TSPAN11: variants seen among roughly 807,000 people sequenced by gnomAD.
TSPAN11 encodes the protein tetraspanin 11, also known as tetraspanin-11.
A neutral mutation model predicts 32.9 loss-of-function variants in TSPAN11; 29 were observed. The observed-to-expected ratio is 0.88, with a 90% CI of 0.66 to 1.20. The LOEUF (loss-of-function observed/expected upper bound fraction) is 1.20, where lower values mean the gene tolerates loss of function less well. TSPAN11 is among the 50% of genes most tolerant of loss of function. TSPAN11 has a pLI of 0.00. For missense variants in TSPAN11, 283 were observed against 329.1 expected (o/e 0.86, Z 1.08); for synonymous variants, 140 against 141.3 (o/e 0.99, Z 0.07).
chr12:31,004,667 A>G, the TSPAN11 span, among the ~76,000 whole-genome samples: 1 of 152,226 alleles, frequency 6.6e-6, no homozygotes, highest in East Asian at 1.9e-4. Context: ...GAGAGTTTCT[A>G]GCAGGAATGT....
At chr12:30,976,785 TGAC>T (rs1938982086) in intron 3 of TSPAN11, among the ~76,000 whole-genome samples, 1 of 152,208 alleles carries the variant, frequency 6.6e-6, no homozygotes, top group African/African-American at 2.4e-5. Context: ...GTCCTGAGGC[TGAC>T]TAGACCCCTG....
intron 3 of TSPAN11, among the ~76,000 whole-genome samples, chr12:30,967,891 C>G (rs1376348029): frequency 6.6e-6 from 1 of 151,890 alleles, no homozygotes; most frequent in African/African-American, 2.4e-5. Flanking sequence ...GCTGGGGATC[C>G]TGAGTAATCC....
intron 1 of TSPAN11, among the ~76,000 whole-genome samples, chr12:30,944,146 A>G (rs1436885928): frequency 1.3e-5 from 2 of 152,088 alleles, no homozygotes; most frequent in Non-Finnish European, 2.9e-5. Context: ...TGTATTTACC[A>G]TGTACAACAT....
the TSPAN11 span, among the ~76,000 whole-genome samples, chr12:31,012,984 G>A: frequency 7.9e-5 from 12 of 152,258 alleles, no homozygotes; most frequent in South Asian, 2.1e-4. Flanking sequence ...TACTATCCAC[G>A]TGAGAGGATT....
the TSPAN11 span, among the ~76,000 whole-genome samples, chr12:31,004,346 T>C: frequency 6.6e-6 from 1 of 152,190 alleles, no homozygotes; most frequent in Non-Finnish European, 1.5e-5. Context: ...CTAGGGCCAG[T>C]CTGATCTCTC....
At chr12:30,983,016 C>T (rs1182721189) in intron 6 of TSPAN11, 48 bp from the exon 7 acceptor site, 1 of 1,581,244 alleles carries the variant, frequency 6.3e-7, no homozygotes, top group Admixed American at 1.7e-5. Flanking sequence ...CGTCCCCACC[C>T]ATGCCTGCTC....
At chr12:30,981,890 T>G (rs1424296434) in intron 5 of TSPAN11, among the ~76,000 whole-genome samples, 1 of 152,182 alleles carries the variant, frequency 6.6e-6, no homozygotes, top group Non-Finnish European at 1.5e-5. Context: ...ACTTTGAATC[T>G]CAGTGCCGCA....
chr12:30,984,737 A>G (rs1411695038), intron 7 of TSPAN11, among the ~76,000 whole-genome samples: 1 of 151,738 alleles, frequency 6.6e-6, no homozygotes, highest in East Asian at 1.9e-4. Flanking sequence ...TTGTATTTTT[A>G]GTAGAGGCTG....
intron 3 of TSPAN11, among the ~76,000 whole-genome samples, chr12:30,969,604 C>T (rs1051163805): frequency 6.6e-6 from 1 of 152,170 alleles, no homozygotes; most frequent in Non-Finnish European, 1.5e-5. Context: ...CGGGATGCAG[C>T]GGGTGTACCT....
intron 1 of TSPAN11, among the ~76,000 whole-genome samples, chr12:30,935,906 A>T (rs551717784): frequency 6.6e-6 from 1 of 152,314 alleles, no homozygotes; most frequent in African/African-American, 2.4e-5. Context: ...GGTCTTGCAG[A>T]ATCACAGGAA....
chr12:30,990,546 G>A (rs1939292590), intron 7 of TSPAN11, among the ~76,000 whole-genome samples: 1 of 152,212 alleles, frequency 6.6e-6, no homozygotes, highest in Non-Finnish European at 1.5e-5. Flanking sequence ...GGCCCCAGGT[G>A]GATTAACACC....
downstream of TSPAN11, among the ~76,000 whole-genome samples, chr12:30,999,664 A>C (rs1592504726): frequency 1.3e-5 from 2 of 152,140 alleles, no homozygotes; most frequent in African/African-American, 2.4e-5. Context: ...AAAGTTGAAA[A>C]ATCATAATTT....
chr12:31,015,751 C>T, the TSPAN11 span: 1 of 152,178 alleles, frequency 6.6e-6, no homozygotes, highest in Non-Finnish European at 1.5e-5. This position sits in a 1 kb window ranked among gnomAD's most constrained non-coding sequence, Gnocchi z 4.9. Flanking sequence ...TTTATTACTA[C>T]AATTATTAAT....
rs2140317850 is a variant in TSPAN11 at position 30,995,165 on chromosome 12, C to T, written c.*3250C>T. 6.6e-6 allele frequency: 1 copy of T among 152,572 alleles called. No homozygotes were observed. Among genetic ancestry groups the T allele is most frequent in the South Asian group, 2.1e-4 (1 of 4,828 alleles). 9.5% of individuals were successfully genotyped at this position (152,572 alleles called of 1,614,324 possible). A position where few individuals can be genotyped will look rare whatever the true frequency, so the allele number is the denominator to read the frequency against. On this transcript the variant is annotated 3_prime_UTR_variant, in exon 8 of 8. Coordinates refer to ENST00000546076, the MANE Select transcript of TSPAN11 (RefSeq NM_001370302.1). ...ACCACCCAGCCCGTCACCCCAGGTACAAACACTGACCCCAAAGCAAGAGCA... is the reference window on the plus strand; with the variant it reads ...ACCACCCAGCCCGTCACCCCAGGTATAAACACTGACCCCAAAGCAAGAGCA...
chr12:30,994,036 T>A lies in TSPAN11; in HGVS notation c.*2121T>A, dbSNP rs1939368979. The A allele has an allele frequency of 6.6e-6, 1 of 152,252 alleles. No homozygotes were observed. The highest frequency in any genetic ancestry group is 2.1e-4 in the South Asian group (1 of 4,834). The allele number at this position is 152,252 out of a possible 1,614,324, so 9.4% of individuals were successfully genotyped here. A position where few individuals can be genotyped will look rare whatever the true frequency, so the allele number is the denominator to read the frequency against. On this transcript the variant is annotated 3_prime_UTR_variant, in exon 8 of 8. Coordinates refer to ENST00000546076, the MANE Select transcript of TSPAN11 (RefSeq NM_001370302.1). ...TTAGCTGCAATTCCTGCCCTGTGTG[T>A]CGTCCAGCCAGACTGCCTCTTGAAA... is the stretch of plus-strand genomic sequence containing the variant.
At chr12:30,959,846 C>T (rs375649337) in intron 2 of TSPAN11, among the ~76,000 whole-genome samples, 2 of 149,072 alleles carry the variant, frequency 1.3e-5, no homozygotes, top group East Asian at 2.0e-4. Flanking sequence ...GCCAAAAAGT[C>T]AGGTTAAGGC....
At chr12:31,001,294 C>T (rs185682421), downstream of TSPAN11, among the ~76,000 whole-genome samples, 1 of 152,336 alleles carries the variant, frequency 6.6e-6, no homozygotes, top group Admixed American at 6.5e-5. Flanking sequence ...GACACATCTC[C>T]TTCCACTCCT....
downstream of TSPAN11, among the ~76,000 whole-genome samples, chr12:31,000,991 C>T (rs1939472607): frequency 1.3e-5 from 2 of 152,212 alleles, no homozygotes; most frequent in South Asian, 4.1e-4. Flanking sequence ...CTGCCCTTCC[C>T]TGTGGCTCTA....
intron 7 of TSPAN11, among the ~76,000 whole-genome samples, chr12:30,990,275 T>C (rs1592499768): frequency 6.6e-6 from 1 of 152,318 alleles, no homozygotes; most frequent in East Asian, 1.9e-4. Flanking sequence ...GCCTGTCTGC[T>C]GGGGAGTGTG....
Sources: allele counts gnomAD v4.1 joint callset (sites outside exome capture counted in the v4.1 genomes callset), GRCh38; gene constraint gnomAD v4.1.1; non-coding constraint Gnocchi (gnomAD v3.1); transcripts MANE v1.5; gene names NCBI Gene and HGNC (gene_info 2026-07-23, HGNC 2026-07-21).